AKAP13: variants seen among roughly 807,000 people sequenced by gnomAD.
The protein encoded by AKAP13 is A-kinase anchoring protein 13.
In AKAP13, 80 loss-of-function variants were observed where a neutral mutation model predicts 264.5. The observed-to-expected ratio is 0.30, with a 90% CI of 0.25 to 0.36. The LOEUF is 0.36. Ranked by LOEUF, AKAP13 falls within the 10% of genes least tolerant of loss-of-function variation. The pLI is 1.00. For missense variants in AKAP13, 3,712 were observed against 3,435.2 expected (o/e 1.08, Z -2.01); for synonymous variants, 1,380 against 1,250.2 (o/e 1.10, Z -2.19).
intron 3 of AKAP13, among the ~76,000 whole-genome samples, chr15:85,529,608 C>T (rs1014239881): frequency 2.0e-5 from 3 of 152,058 alleles, no homozygotes; most frequent in African/African-American, 4.8e-5. Context: ...TGCTGATTTA[C>T]CCCCCAGGTG....
At chr15:85,570,958 GTT>G (rs1049805006) in intron 5 of AKAP13, among the ~76,000 whole-genome samples, 2 of 143,778 alleles carry the variant, frequency 1.4e-5, no homozygotes. Flanking sequence ...TGTTGTTGTT[GTT>G]TTTTTTTTTT....
intron 1 of AKAP13, among the ~76,000 whole-genome samples, chr15:85,483,518 G>C (rs34292280): frequency 3.8e-4 from 55 of 145,320 alleles, no homozygotes; most frequent in African/African-American, 1.1e-3. Context: ...CCCAGCTACT[G>C]GGGAGGCTGA....
intron 1 of AKAP13, among the ~76,000 whole-genome samples, chr15:85,428,797 A>G (rs2072907153): frequency 6.6e-6 from 1 of 152,234 alleles, no homozygotes; most frequent in Admixed American, 6.5e-5. Flanking sequence ...GAAAGCACAC[A>G]GTTAAAAATG....
intron 8 of AKAP13, among the ~76,000 whole-genome samples, chr15:85,586,789 G>A (rs56076451): frequency 2.6e-5 from 4 of 151,942 alleles, no homozygotes; most frequent in African/African-American, 4.8e-5. Flanking sequence ...TTAGCCGGGC[G>A]TGGTGGCAGG....
chr15:85,456,149 T>G (rs1229471194), intron 1 of AKAP13, among the ~76,000 whole-genome samples: 1 of 152,220 alleles, frequency 6.6e-6, no homozygotes, highest in Non-Finnish European at 1.5e-5. Context: ...CAAGGTACAG[T>G]TCAGTTTTGG....
At chr15:85,563,774 A>G (rs1045919331) in intron 5 of AKAP13, among the ~76,000 whole-genome samples, 3 of 152,220 alleles carry the variant, frequency 2.0e-5, no homozygotes, top group East Asian at 3.8e-4. Context: ...ACTGTGTGCC[A>G]GGCATTATTA....
chr15:85,552,639 T>TC (rs1256872775), intron 5 of AKAP13, among the ~76,000 whole-genome samples: 2 of 148,854 alleles, frequency 1.3e-5, no homozygotes, highest in Non-Finnish European at 3.0e-5. Context: ...TTTTTTTTTT[T>TC]TTTTTTGAGA....
At chr15:85,541,204 A>G (rs910251303) in intron 4 of AKAP13, among the ~76,000 whole-genome samples, 1 of 152,232 alleles carries the variant, frequency 6.6e-6, no homozygotes, top group African/African-American at 2.4e-5. Context: ...AATTGTAACT[A>G]CATATTGAAT....
chr15:85,473,104 A>G (rs569599410), intron 1 of AKAP13, among the ~76,000 whole-genome samples: 1 of 152,246 alleles, frequency 6.6e-6, no homozygotes, highest in Non-Finnish European at 1.5e-5. Flanking sequence ...CATAATAAGC[A>G]CATAAGGAGC....
chr15:85,398,388 A>C (rs2071225279), intron 1 of AKAP13, among the ~76,000 whole-genome samples: 1 of 152,206 alleles, frequency 6.6e-6, no homozygotes, highest in African/African-American at 2.4e-5. Context: ...TACCTAGAGA[A>C]AATTGTTGGG....
chr15:85,693,522 T>C, intron 17 of AKAP13, 71 bp downstream of exon 17: 10 of 1,579,266 alleles, frequency 6.3e-6, no homozygotes, highest in Non-Finnish European at 8.5e-6. Context: ...TCTTGTTTCC[T>C]GTCCCCACTC....
At chr15:85,642,099 T>G (rs2082333998) in intron 9 of AKAP13, among the ~76,000 whole-genome samples, 1 of 152,230 alleles carries the variant, frequency 6.6e-6, no homozygotes, top group Non-Finnish European at 1.5e-5. Flanking sequence ...TTTAAGGTAC[T>G]GTCATCTGGA....
At chr15:85,671,455 A>AT (rs1459016870) in intron 14 of AKAP13, among the ~76,000 whole-genome samples, 2 of 134,260 alleles carry the variant, frequency 1.5e-5, no homozygotes, top group African/African-American at 2.8e-5. Context: ...AAAAAAAAAA[A>AT]AAAGAGAGAG....
chr15:85,735,297 CAG>C, intron 31 of AKAP13, 147 bp downstream of exon 31: 1 of 1,150,362 alleles, frequency 8.7e-7, no homozygotes, highest in Non-Finnish European at 1.2e-6. Flanking sequence ...GCTTGTCAGT[CAG>C]ACTCATATTC....
intron 1 of AKAP13, chr15:85,389,954 C>T (rs193045420): frequency 6.6e-6 from 1 of 152,210 alleles, no homozygotes; most frequent in Admixed American, 6.5e-5. Context: ...TGCTTTATGT[C>T]GCAAGTTGTA....
intron 8 of AKAP13, among the ~76,000 whole-genome samples, chr15:85,610,741 C>T (rs903924398): frequency 5.3e-5 from 8 of 151,558 alleles, no homozygotes; most frequent in African/African-American, 1.5e-4. Flanking sequence ...TTCGGGAGGC[C>T]GAGGTGGGTG....
intron 16 of AKAP13, among the ~76,000 whole-genome samples, chr15:85,691,394 C>T (rs1444454609): frequency 6.6e-6 from 1 of 152,186 alleles, no homozygotes; most frequent in East Asian, 1.9e-4. Context: ...ATGGTGTCCA[C>T]CTGAAATGTC....
intron 16 of AKAP13, among the ~76,000 whole-genome samples, chr15:85,685,851 A>T (rs924431426): frequency 2.0e-5 from 3 of 152,206 alleles, no homozygotes; most frequent in Non-Finnish European, 4.4e-5. Flanking sequence ...ATCTAAAAGT[A>T]AAAGAATGAA....
At chr15:85,529,748 C>T (rs2151182376) in intron 3 of AKAP13, among the ~76,000 whole-genome samples, 1 of 152,290 alleles carries the variant, frequency 6.6e-6, no homozygotes, top group South Asian at 2.1e-4. Flanking sequence ...GGGTGAGGTA[C>T]TTTATTCTTG....
Sources: allele counts gnomAD v4.1 joint callset (sites outside exome capture counted in the v4.1 genomes callset), GRCh38; gene constraint gnomAD v4.1.1; transcripts MANE v1.5; gene names NCBI Gene and HGNC (gene_info 2026-07-23, HGNC 2026-07-21).